Variants in AUTS2 observed in about 807,000 individuals in gnomAD.
AUTS2 encodes autism susceptibility gene 2 protein.
In AUTS2, 17 loss-of-function variants were observed where a neutral mutation model predicts 112.4. The observed-to-expected ratio is 0.15, with a 90% CI of 0.10 to 0.23. The LOEUF (loss-of-function observed/expected upper bound fraction) is 0.23, where lower values mean the gene tolerates loss of function less well. Among genes scored for constraint, AUTS2 ranks in the 10% least tolerant of loss-of-function variants. The probability of loss-of-function intolerance (pLI) is 1.00; values close to 1 mark genes in which losing one functional copy is unlikely to be tolerated. For synonymous variants in AUTS2, 751 were observed against 702.7 expected, an observed-to-expected ratio of 1.07 and a Z score of -1.09; for missense variants, 1,510 against 1,701.6, an observed-to-expected ratio of 0.89 and a Z score of 1.98.
At position 69,750,808 on chromosome 7, in the gene AUTS2, A is replaced by G. The variant is rs906936761; in HGVS notation, c.310-148478A>G. On this transcript the variant is annotated intron_variant, in intron 1 of 18. Transcript: ENST00000342771. The stretch of plus-strand genomic sequence containing the variant: ...AGCTTCATTTCACAGACTAGGGAGG[A>G]CAGAGTTTTGAGGAATTGTGGTACT... Among the ~76,000 whole-genome samples the G allele has an allele frequency of 2.6e-5, 4 of 152,068 alleles. No homozygotes were observed. In the South Asian group the frequency reaches 8.3e-4, roughly 32 times the overall value.
chr7:70,744,646 G>C (rs565550058), intron 6 of AUTS2, among the ~76,000 whole-genome samples: 1 of 152,296 alleles, frequency 6.6e-6, no homozygotes, highest in African/African-American at 2.4e-5. Context: ...GATGAGCGAG[G>C]CTCCATGCAG....
intron 4 of AUTS2, among the ~76,000 whole-genome samples, chr7:70,221,305 ATATT>A (rs773283984): frequency 2.6e-5 from 4 of 152,240 alleles, no homozygotes; most frequent in Non-Finnish European, 4.4e-5. Flanking sequence ...ATTTTCATAA[ATATT>A]TAAGCATGCA....
intron 1 of AUTS2, among the ~76,000 whole-genome samples, chr7:69,749,014 A>G (rs1055486218): frequency 1.3e-5 from 2 of 152,294 alleles, no homozygotes; most frequent in South Asian, 2.1e-4. Flanking sequence ...ATACTTGATT[A>G]GAAGCAGAAT....
intron 1 of AUTS2, among the ~76,000 whole-genome samples, chr7:69,856,517 A>C (rs1792729127): frequency 6.6e-6 from 1 of 152,206 alleles, no homozygotes; most frequent in South Asian, 2.1e-4. Flanking sequence ...TATTATAAAC[A>C]GGAGATCTTT....
At chr7:70,437,352 G>C (rs528512468) in intron 5 of AUTS2, 1 of 152,496 alleles carries the variant, frequency 6.6e-6, no homozygotes, top group East Asian at 1.9e-4. Context: ...TTCAAGACAC[G>C]GTCATTGGCC....
At chr7:70,197,482 T>G (rs560585704) in intron 4 of AUTS2, among the ~76,000 whole-genome samples, 1 of 136,016 alleles carries the variant, frequency 7.4e-6, no homozygotes, top group South Asian at 2.7e-4. Context: ...CCAGTGTGTG[T>G]GCGCACCGTG....
chr7:70,616,753 G>GTTTTTTTTTTT (rs67691820), intron 5 of AUTS2, among the ~76,000 whole-genome samples: 2 of 131,282 alleles, frequency 1.5e-5, no homozygotes, highest in African/African-American at 2.8e-5. Context: ...GTGTCGAATA[G>GTTTTTTTTTTT]TTTTTTTTTT....
chr7:70,235,302 TAAA>T (rs879516535), intron 4 of AUTS2, among the ~76,000 whole-genome samples: 1 of 143,288 alleles, frequency 7.0e-6, no homozygotes, highest in Non-Finnish European at 1.5e-5. Flanking sequence ...CATGGCTAAT[TAAA>T]AAAAAAAAAA....
At chr7:70,388,858 C>A (rs1168216001) in intron 4 of AUTS2, among the ~76,000 whole-genome samples, 3 of 151,602 alleles carry the variant, frequency 2.0e-5, no homozygotes, top group East Asian at 3.9e-4. Context: ...AAAATTAAAT[C>A]TTTTTTTTTA....
chr7:69,828,247 G>T (rs1791341441), intron 1 of AUTS2, among the ~76,000 whole-genome samples: 1 of 152,202 alleles, frequency 6.6e-6, no homozygotes, highest in South Asian at 2.1e-4. Flanking sequence ...GGTCTGGCTG[G>T]CTGGACATGA....
intron 4 of AUTS2, among the ~76,000 whole-genome samples, chr7:70,307,181 T>G (rs1416775130): frequency 6.6e-6 from 1 of 152,226 alleles, no homozygotes; most frequent in Non-Finnish European, 1.5e-5. Context: ...ACGAATAAAA[T>G]TCTTCCTATT....
intron 2 of AUTS2, among the ~76,000 whole-genome samples, chr7:70,098,387 A>G (rs550778728): frequency 6.6e-6 from 1 of 152,320 alleles, no homozygotes; most frequent in African/African-American, 2.4e-5. Flanking sequence ...GGTAAATGAG[A>G]TCTTCTCTCA....
rs1791963497 is a variant in AUTS2 at position 70,791,549 on chromosome 7, G to T, written c.*553G>T. 1 of 152,618 alleles carries T rather than the reference G, an allele frequency of 6.6e-6. No individual in the cohort carries two copies. The highest frequency in any genetic ancestry group is 1.5e-5 in the Non-Finnish European group (1 of 68,080). 9.5% of individuals were successfully genotyped at this position (152,618 alleles called of 1,614,324 possible). A position where few individuals can be genotyped will look rare whatever the true frequency, so the allele number is the denominator to read the frequency against. ...TACTTAATATCAGTGAACACAGTCG[G>T]CTAAAGCTGTGTTCCCATATATTGT... On this transcript the variant is annotated 3_prime_UTR_variant, in exon 19 of 19. Transcript: ENST00000342771.
chr7:70,762,581 T>C (rs1789635342), intron 6 of AUTS2, among the ~76,000 whole-genome samples: 1 of 152,182 alleles, frequency 6.6e-6, no homozygotes, highest in Non-Finnish European at 1.5e-5. Context: ...GGCTACTTTC[T>C]TGAATGCAGT....
chr7:70,697,569 C>A (rs1209021791), intron 5 of AUTS2, among the ~76,000 whole-genome samples: 2 of 142,954 alleles, frequency 1.4e-5, no homozygotes, highest in Non-Finnish European at 3.1e-5. Context: ...TTCCCCCCCC[C>A]CATTTCCTAT....
intron 4 of AUTS2, among the ~76,000 whole-genome samples, chr7:70,320,005 C>T (rs1430162864): frequency 1.3e-5 from 2 of 152,216 alleles, no homozygotes; most frequent in African/African-American, 2.4e-5. Flanking sequence ...GCATTTTATA[C>T]CACTGTCCCT....
intron 4 of AUTS2, among the ~76,000 whole-genome samples, chr7:70,356,679 T>C (rs2129625030): frequency 6.6e-6 from 1 of 152,286 alleles, no homozygotes; most frequent in East Asian, 1.9e-4. Flanking sequence ...TTCTGCTGTG[T>C]AGGTACTTTT....
intron 4 of AUTS2, among the ~76,000 whole-genome samples, chr7:70,318,791 G>A (rs1790118822): frequency 1.3e-5 from 2 of 152,162 alleles, no homozygotes; most frequent in South Asian, 4.1e-4. Context: ...GAACTGAGGT[G>A]CAGCCCCCAC....
At chr7:69,682,347 A>G (rs1468550731) in intron 1 of AUTS2, among the ~76,000 whole-genome samples, 5 of 152,294 alleles carry the variant, frequency 3.3e-5, no homozygotes, top group Middle Eastern at 3.4e-3. Context: ...CTGGCCTGGC[A>G]TGTTGTCCTA....
Sources: gnomAD v4.1 joint callset for allele counts (sites outside exome capture counted in the v4.1 genomes callset) on GRCh38, gnomAD v4.1.1 for gene constraint, MANE v1.5 for transcripts, NCBI Gene and HGNC (gene_info 2026-07-23, HGNC 2026-07-21) for gene names.